The following NCOA5 variants were observed in gnomAD, a reference collection of about 807,000 sequenced individuals.
NCOA5 encodes the protein nuclear receptor coactivator 5.
A neutral mutation model predicts 59.0 loss-of-function variants in NCOA5; 12 were observed. That is an observed-to-expected ratio of 0.20 (90% CI 0.13 to 0.33). The LOEUF is 0.33. Ranked by LOEUF, NCOA5 falls within the 10% of genes least tolerant of loss-of-function variation. The probability of loss-of-function intolerance (pLI) is 1.00; values close to 1 mark genes in which losing one functional copy is unlikely to be tolerated. For missense variants in NCOA5, 655 were observed against 766.6 expected (o/e 0.85, Z 1.72); for synonymous variants, 270 against 275.5 (o/e 0.98, Z 0.20).
At chr20:46,067,458 G>C (rs1487971315) in intron 4 of NCOA5, among the ~76,000 whole-genome samples, 2 of 152,132 alleles carry the variant, frequency 1.3e-5, no homozygotes, top group Non-Finnish European at 2.9e-5. Context: ...AGATCATCTA[G>C]TGCCTATTTC....
At chr20:46,072,445 C>T (rs535706329) in intron 2 of NCOA5, among the ~76,000 whole-genome samples, 32 of 152,344 alleles carry the variant, frequency 2.1e-4, no homozygotes, top group African/African-American at 7.2e-4. Context: ...AGTGATCCTC[C>T]TGCCTCAGCC....
rs775947995 is a variant in NCOA5, at chr20:46,080,388, GAAGA to G, written c.-29-939_-29-936del. On this transcript the variant is annotated intron_variant, in intron 1 of 7. Transcript: ENST00000290231. ...TACAAATTTCATACTTCAGATGAAT[GAAGA>G]AATAAAAGTGCTTTCTGCTGCAGTA... 2.2e-3 allele frequency among the ~76,000 whole-genome samples: 331 copies of G among 152,272 alleles called. 1 individual carries two copies. Among genetic ancestry groups the G allele is most frequent in the African/African-American group, 7.5e-3 (310 of 41,574 alleles).
At chr20:46,072,820 GACATT>G (rs1480843913) in intron 2 of NCOA5, among the ~76,000 whole-genome samples, 1 of 152,144 alleles carries the variant, frequency 6.6e-6, no homozygotes, top group Non-Finnish European at 1.5e-5. Flanking sequence ...ATCACAAATT[GACATT>G]ACATATTTAC....
chr20:46,081,750 G>A (rs1229940851), intron 1 of NCOA5, among the ~76,000 whole-genome samples: 5 of 151,240 alleles, frequency 3.3e-5, no homozygotes, highest in Admixed American at 6.6e-5. Flanking sequence ...CTGGGCTGAC[G>A]TATGGAGAAA....
At chr20:46,076,893 T>C (rs1473587687) in intron 2 of NCOA5, among the ~76,000 whole-genome samples, 3 of 152,334 alleles carry the variant, frequency 2.0e-5, no homozygotes, top group Admixed American at 6.5e-5. Context: ...AAAGGTGACC[T>C]GTATATTTAT....
intron 2 of NCOA5, among the ~76,000 whole-genome samples, chr20:46,071,452 T>C (rs549953467): frequency 2.6e-5 from 4 of 152,312 alleles, no homozygotes; most frequent in Admixed American, 1.3e-4. Context: ...TCCATTCCCA[T>C]TGGATTTGTA....
At position 46,073,205 on chromosome 20, in the gene NCOA5, G is replaced by A. The variant is rs76396239; in HGVS notation, c.39-2669C>T. On this transcript the variant is annotated intron_variant, in intron 2 of 7. Coordinates refer to ENST00000290231, the MANE Select transcript of NCOA5 (RefSeq NM_020967.3). The stretch of plus-strand genomic sequence containing the variant: ...CGTCTACCATGGTTACACACGTTAG[G>A]TATTCATCATGATGTCATCAGCTTG... Among the ~76,000 whole-genome samples the A allele has an allele frequency of 5.3e-5, 8 of 152,256 alleles. No homozygotes were observed. The East Asian group carries it at 1.5e-3, about 29-fold the overall frequency.
At chr20:46,073,089 TAGG>T (rs1280974339) in intron 2 of NCOA5, among the ~76,000 whole-genome samples, 8 of 152,208 alleles carry the variant, frequency 5.3e-5, no homozygotes, top group African/African-American at 1.9e-4. Flanking sequence ...GGATACACCA[TAGG>T]AGTTCAGTAA....
At position 46,063,421 on chromosome 20, in the gene NCOA5, G is replaced by A; in HGVS notation, c.1089C>T (p.Ile363=). 6.2e-7 allele frequency: 1 copy of A among 1,614,156 alleles called. No individual in the cohort carries two copies. Among genetic ancestry groups the A allele is most frequent in the Non-Finnish European group, 8.5e-7 (1 of 1,180,038 alleles). ...RYLTAEETDK[I]INYLRERKER... ...CCTTCCGCTCTCGCAGGTAGTTGAT[G>A]ATCTTGTCAGTCTCTTCAGCAGTGA... is the stretch of plus-strand genomic sequence containing the variant. Residue 363 remains isoleucine, a synonymous_variant, in exon 7 of 8, where the codon ATC becomes ATT. Transcript: ENST00000290231.
intron 1 of NCOA5, among the ~76,000 whole-genome samples, chr20:46,087,235 C>T (rs1341798406): frequency 6.6e-6 from 1 of 152,132 alleles, no homozygotes; most frequent in Non-Finnish European, 1.5e-5. Flanking sequence ...GAGTCAAAAA[C>T]AAGAGAACAA....
In NCOA5 at chr20:46,061,844, C is replaced by T. The variant is rs367554860; in HGVS notation, c.*456G>A. The T allele has an allele frequency of 1.3e-5, 2 of 155,406 alleles. No homozygotes were observed. Among genetic ancestry groups the T allele is most frequent in the African/African-American group, 4.8e-5 (2 of 41,452 alleles). 9.6% of individuals were successfully genotyped at this position (155,406 alleles called of 1,614,324 possible). On this transcript the variant is annotated 3_prime_UTR_variant, in exon 8 of 8. Transcript: ENST00000290231. Reference sequence around the variant, plus strand: ...CTGCCAAGGCCAGTTTGCTTTTCTTCAACTCTAGGCAGGAGTTGCAGGCAG... The same window carrying T: ...CTGCCAAGGCCAGTTTGCTTTTCTTTAACTCTAGGCAGGAGTTGCAGGCAG...
intron 1 of NCOA5, among the ~76,000 whole-genome samples, chr20:46,089,117 C>G (rs1273612635): frequency 6.6e-6 from 1 of 152,240 alleles, no homozygotes; most frequent in Non-Finnish European, 1.5e-5. Flanking sequence ...CTAAGAGAAG[C>G]CCCTCGCCCG....
chr20:46,066,407 AT>A (rs1386060077), intron 5 of NCOA5, among the ~76,000 whole-genome samples: 1 of 152,160 alleles, frequency 6.6e-6, no homozygotes, highest in Non-Finnish European at 1.5e-5. Context: ...AGTATTGGGC[AT>A]TTGGGTTGTC....
At chr20:46,078,194 G>A (rs1430499463) in intron 2 of NCOA5, among the ~76,000 whole-genome samples, 2 of 152,196 alleles carry the variant, frequency 1.3e-5, no homozygotes, top group African/African-American at 4.8e-5. Context: ...TTGCCCTTAG[G>A]GTCTGCTTAA....
At chr20:46,077,537 G>A (rs2084950054) in intron 2 of NCOA5, among the ~76,000 whole-genome samples, 1 of 152,160 alleles carries the variant, frequency 6.6e-6, no homozygotes, top group Non-Finnish European at 1.5e-5. Context: ...ATTTGTTGTT[G>A]TTGTTTTTGC....
At chr20:46,082,073 C>A (rs2084997665) in intron 1 of NCOA5, among the ~76,000 whole-genome samples, 1 of 152,026 alleles carries the variant, frequency 6.6e-6, no homozygotes, top group Non-Finnish European at 1.5e-5. Context: ...GCAGAGGGTT[C>A]ATTTAAAAAA....
intron 1 of NCOA5, among the ~76,000 whole-genome samples, chr20:46,084,964 CTAT>C (rs1645213990): frequency 6.6e-6 from 1 of 152,214 alleles, no homozygotes; most frequent in South Asian, 2.1e-4. Context: ...CAAATGCCTA[CTAT>C]GTGTCACACA....
chr20:46,064,935 A>G (rs1296927745), intron 6 of NCOA5, 94 bp downstream of exon 6: 17 of 1,219,938 alleles, frequency 1.4e-5, no homozygotes, highest in Admixed American at 3.5e-5. Context: ...GAACTGAGAT[A>G]TAAGAGTCAT....
chr20:46,067,304 CCAGT>C (rs1297389432), intron 4 of NCOA5, 123 bp from the exon 5 acceptor site: 1 of 1,144,856 alleles, frequency 8.7e-7, no homozygotes, highest in African/African-American at 1.6e-5. Context: ...CTAAAAACAG[CCAGT>C]ATTAATATTT....
Sources: gnomAD v4.1 joint callset for allele counts (sites outside exome capture counted in the v4.1 genomes callset) on GRCh38, gnomAD v4.1.1 for gene constraint, MANE v1.5 for transcripts, NCBI Gene and HGNC (gene_info 2026-07-23, HGNC 2026-07-21) for gene names.